Variants in DPP10 observed in about 807,000 individuals in gnomAD.
The protein encoded by DPP10 is dipeptidyl peptidase like 10, also known as inactive dipeptidyl peptidase 10.
A neutral mutation model predicts 120.9 loss-of-function variants in DPP10; 33 were observed. That is an observed-to-expected ratio of 0.27 (90% confidence interval 0.21 to 0.37). The LOEUF (loss-of-function observed/expected upper bound fraction) is 0.37, where lower values mean the gene tolerates loss of function less well. DPP10 is among the 10% of genes least tolerant of loss of function. The pLI is 1.00. For synonymous variants in DPP10, 337 were observed against 326.1 expected, an observed-to-expected ratio of 1.03 and a Z score of -0.36; for missense variants, 816 against 942.8, an observed-to-expected ratio of 0.87 and a Z score of 1.76.
chr2:115,092,381 T>C (rs1402131602), intron 1 of DPP10, among the ~76,000 whole-genome samples: 1 of 152,194 alleles, frequency 6.6e-6, no homozygotes, highest in African/African-American at 2.4e-5. Flanking sequence ...ATCTTGTATC[T>C]TATCCTTCCC....
intron 17 of DPP10, among the ~76,000 whole-genome samples, chr2:115,784,106 T>C (rs1683076026): frequency 6.6e-6 from 1 of 152,210 alleles, no homozygotes; most frequent in Non-Finnish European, 1.5e-5. Context: ...AATCATGTTA[T>C]TTTCCTGTTC....
chr2:114,723,922 G>A (rs1195454125), intron 1 of DPP10, among the ~76,000 whole-genome samples: 1 of 152,080 alleles, frequency 6.6e-6, no homozygotes, highest in Non-Finnish European at 1.5e-5. Context: ...CAGCCCATAG[G>A]TAAATCTCCC....
At chr2:115,417,525 A>C (rs2069539160) in intron 3 of DPP10, among the ~76,000 whole-genome samples, 1 of 152,188 alleles carries the variant, frequency 6.6e-6, no homozygotes, top group South Asian at 2.1e-4. Context: ...CAGTAGTCCC[A>C]GAACTTAACA....
chr2:114,736,479 A>AT (rs1361932290), intron 1 of DPP10, among the ~76,000 whole-genome samples: 1 of 152,226 alleles, frequency 6.6e-6, no homozygotes, highest in East Asian at 1.9e-4. Context: ...AAGTAAACAT[A>AT]TTTTAATGAT....
intron 1 of DPP10, among the ~76,000 whole-genome samples, chr2:115,175,568 G>A (rs1311009077): frequency 6.6e-6 from 1 of 152,120 alleles, no homozygotes; most frequent in Non-Finnish European, 1.5e-5. Context: ...AGTGTAAAAA[G>A]GGGTTCAATG....
intron 11 of DPP10, among the ~76,000 whole-genome samples, chr2:115,758,779 A>G (rs536351308): frequency 6.6e-6 from 1 of 152,294 alleles, no homozygotes. Context: ...AATGGTTTGC[A>G]GAGAACAGAC....
intron 1 of DPP10, among the ~76,000 whole-genome samples, chr2:114,549,813 G>A (rs1687738361): frequency 6.6e-6 from 1 of 152,238 alleles, no homozygotes; most frequent in East Asian, 1.9e-4. Context: ...CATAAAGGCA[G>A]CCCCAAAGGC....
chr2:115,779,824 T>C (rs145308002), intron 15 of DPP10, among the ~76,000 whole-genome samples: 2 of 152,036 alleles, frequency 1.3e-5, no homozygotes, highest in East Asian at 3.9e-4. Context: ...TAAGTTATCA[T>C]GAGTGAAACT....
intron 21 of DPP10, among the ~76,000 whole-genome samples, chr2:115,835,534 C>T (rs75547553): frequency 0.017 from 2,522 of 152,182 alleles, 76 homozygotes; most frequent in African/African-American, 0.057. Flanking sequence ...GGGAAACTTC[C>T]AGCCTTGTTT....
intron 1 of DPP10, among the ~76,000 whole-genome samples, chr2:114,649,750 AAACTTTTATTT>A (rs752084662): frequency 4.6e-5 from 7 of 152,220 alleles, no homozygotes; most frequent in Non-Finnish European, 1.0e-4. Context: ...AGTAGGGATC[AAACTTTTATTT>A]TCCCAAATAG....
intron 1 of DPP10, among the ~76,000 whole-genome samples, chr2:114,554,488 G>A (rs1467400823): frequency 2.0e-5 from 3 of 152,184 alleles, no homozygotes; most frequent in Admixed American, 6.5e-5. Context: ...TCGTATAGAA[G>A]ATAACCTACC....
intron 3 of DPP10, among the ~76,000 whole-genome samples, chr2:115,496,740 C>G (rs552100503): frequency 3.3e-5 from 5 of 152,108 alleles, no homozygotes; most frequent in Non-Finnish European, 7.4e-5. Context: ...TCTTCCTATC[C>G]ACTGCAAAAA....
At chr2:115,835,222 C>T (rs1689352635) in intron 21 of DPP10, among the ~76,000 whole-genome samples, 1 of 151,964 alleles carries the variant, frequency 6.6e-6, no homozygotes, top group Non-Finnish European at 1.5e-5. Context: ...GAAAAATGGG[C>T]AGATCTCTAG....
At chr2:115,191,658 T>C (rs1316071526) in intron 1 of DPP10, among the ~76,000 whole-genome samples, 1 of 152,168 alleles carries the variant, frequency 6.6e-6, no homozygotes. Context: ...GGCGCTTTCT[T>C]GACTTGAGTA....
At chr2:115,470,963 A>T (rs2074674468) in intron 3 of DPP10, among the ~76,000 whole-genome samples, 1 of 152,154 alleles carries the variant, frequency 6.6e-6, no homozygotes, top group Non-Finnish European at 1.5e-5. Flanking sequence ...AAGAGCTTTC[A>T]ACTTTTTCTC....
rs548335775 is a variant in DPP10 at position 115,056,378 on chromosome 2, C to A, written c.61-252861C>A. On this transcript the variant is annotated intron_variant, in intron 1 of 25. Coordinates refer to ENST00000410059, the MANE Select transcript of DPP10 (RefSeq NM_020868.6). ...TATAGGTTCTGAATAGCTTTTTTTT[C>A]TTCTTCTTCTTCTTTCAAGAGACAA... 5.9e-5 allele frequency among the ~76,000 whole-genome samples: 9 copies of A among 151,782 alleles called. No homozygotes were observed. In the East Asian group the frequency reaches 9.7e-4, roughly 16 times the overall value.
At chr2:115,317,748 T>C (rs557521531) in intron 2 of DPP10, among the ~76,000 whole-genome samples, 1 of 152,238 alleles carries the variant, frequency 6.6e-6, no homozygotes, top group South Asian at 2.1e-4. Flanking sequence ...CTTATGTGTC[T>C]ATTGGCCATT....
intron 5 of DPP10, among the ~76,000 whole-genome samples, chr2:115,537,821 G>A (rs1392097505): frequency 6.6e-6 from 1 of 151,966 alleles, no homozygotes; most frequent in African/African-American, 2.4e-5. Context: ...GATGCCAGAT[G>A]TGGGGGCTGC....
chr2:115,487,403 A>G (rs2075842901), intron 3 of DPP10, among the ~76,000 whole-genome samples: 1 of 57,068 alleles, frequency 1.8e-5, no homozygotes, highest in South Asian at 8.1e-4. Context: ...GGAACCAAAA[A>G]AGAGCCCGCA....
Sources: allele counts gnomAD v4.1 joint callset (sites outside exome capture counted in the v4.1 genomes callset), GRCh38; gene constraint gnomAD v4.1.1; transcripts MANE v1.5; gene names NCBI Gene and HGNC (gene_info 2026-07-23, HGNC 2026-07-21).